ITGAE: variants seen among roughly 807,000 people sequenced by gnomAD.
ITGAE encodes the protein integrin alpha-E.
ITGAE carries 99 observed loss-of-function variants against 136.5 expected under a neutral mutation model. The ratio of observed to expected loss-of-function variants is 0.73; its 90% CI spans 0.62 to 0.86. ITGAE has a LOEUF of 0.86. ITGAE is among the 40% of genes least tolerant of loss of function. The probability of loss-of-function intolerance (pLI) is 0.00; values close to 1 mark genes in which losing one functional copy is unlikely to be tolerated. For missense variants in ITGAE, 1,447 were observed against 1,515.3 expected (o/e 0.95, Z 0.75); for synonymous variants, 613 against 591.8 (o/e 1.04, Z -0.52).
At chr17:3,762,114 C>A in intron 3 of ITGAE, 132 bp from the exon 4 acceptor site, 1 of 697,166 alleles carries the variant, frequency 1.4e-6, no homozygotes, top group Non-Finnish European at 2.5e-6. Context: ...AGAGAAGCCT[C>A]TAGAAAGCTA....
intron 24 of ITGAE, among the ~76,000 whole-genome samples, chr17:3,729,031 G>A (rs1377817924): frequency 3.0e-5 from 4 of 132,752 alleles, no homozygotes; most frequent in African/African-American, 1.3e-4. Context: ...GTGAGACTTC[G>A]TCTCAGTTTA....
intron 1 of ITGAE, among the ~76,000 whole-genome samples, chr17:3,789,540 A>G (rs529877771): frequency 2.1e-4 from 28 of 131,452 alleles, no homozygotes; most frequent in Admixed American, 6.8e-4. Context: ...TCGCTCTGTC[A>G]CCCAGGCTGG....
intron 9 of ITGAE, 34 bp from the exon 10 acceptor site, chr17:3,757,168 T>G: frequency 6.2e-7 from 1 of 1,606,178 alleles, no homozygotes; most frequent in Non-Finnish European, 8.5e-7. Flanking sequence ...GAGTCAGCGC[T>G]GCGTGGATTC....
intron 1 of ITGAE, among the ~76,000 whole-genome samples, chr17:3,791,458 C>A (rs1034842964): frequency 6.6e-6 from 1 of 151,776 alleles, no homozygotes; most frequent in Non-Finnish European, 1.5e-5. Flanking sequence ...AATTTTTGTA[C>A]TTTTAGTAGA....
At chr17:3,755,309 C>A in intron 11 of ITGAE, 48 bp from the exon 12 acceptor site, 1 of 1,488,052 alleles carries the variant, frequency 6.7e-7, no homozygotes, top group South Asian at 1.3e-5. Flanking sequence ...GGACCCAAGG[C>A]CGGGCCACGG....
chr17:3,766,605 C>G (rs2143173459), intron 2 of ITGAE, among the ~76,000 whole-genome samples: 1 of 152,094 alleles, frequency 6.6e-6, no homozygotes, highest in South Asian at 2.1e-4. Flanking sequence ...AGTTCAAGAC[C>G]AGCCTGGCCA....
Position 3,735,070 on chromosome 17 carries a change from C to T in ITGAE, c.2523-121G>A, listed in dbSNP as rs1055605571. 94 of 1,098,620 alleles carry T rather than the reference C, an allele frequency of 8.6e-5. No homozygotes were observed. The Admixed American group carries it at 9.7e-4, about 11-fold the overall frequency. The allele number at this position is 1,098,620 out of a possible 1,614,324, so 68.1% of individuals were successfully genotyped here. On this transcript the variant is annotated intron_variant, in intron 20 of 30. Coordinates refer to ENST00000263087, the MANE Select transcript of ITGAE (RefSeq NM_002208.5). ...CTGTGGTGCAATGATCACGGCTCACCGCAGCCTCCACTTCCTGGGTTCAAG... is the reference window on the plus strand; with the variant it reads ...CTGTGGTGCAATGATCACGGCTCACTGCAGCCTCCACTTCCTGGGTTCAAG...
At chr17:3,776,427 T>A (rs34912790) in intron 2 of ITGAE, among the ~76,000 whole-genome samples, 22,082 of 152,104 alleles carry the variant, frequency 0.15, 2,165 homozygotes, top group African/African-American at 0.27. Context: ...AAGTAGGTAG[T>A]TCCCCACGCT....
At chr17:3,723,574 G>A in intron 27 of ITGAE, 114 bp downstream of exon 27, 2 of 1,186,406 alleles carry the variant, frequency 1.7e-6, no homozygotes, top group Non-Finnish European at 2.4e-6. Flanking sequence ...GGAGGGCCTG[G>A]CAGCCCCCGG....
At chr17:3,756,876 A>T in intron 10 of ITGAE, 108 bp downstream of exon 10, 1 of 1,203,632 alleles carries the variant, frequency 8.3e-7, no homozygotes, top group East Asian at 2.4e-5. Context: ...GCTGAGGTTC[A>T]GGGAGATGAT....
At chr17:3,738,154 G>GTTTGT (rs2051502011) in intron 20 of ITGAE, among the ~76,000 whole-genome samples, 4 of 152,084 alleles carry the variant, frequency 2.6e-5, no homozygotes, top group African/African-American at 9.7e-5. Context: ...AAGGACGCTT[G>GTTTGT]TTTGTTTTGT....
Position 3,748,006 on chromosome 17 carries a change from T to TG in ITGAE, c.2070dup (p.Ser691GlnfsTer18). ...CCGTTGAAGCCGATGGGCAGTGCGC[T>TG]GGGGGTGAAGGCCATGGAGACCTTC... is the stretch of plus-strand genomic sequence containing the variant. On this transcript the variant is annotated frameshift_variant, in exon 17 of 31. Coordinates refer to ENST00000263087, the MANE Select transcript of ITGAE (RefSeq NM_002208.5). LOFTEE classifies it high-confidence loss of function. 6.2e-7 allele frequency: 1 copy of TG among 1,611,882 alleles called. No individual in the cohort carries two copies. Among genetic ancestry groups the TG allele is most frequent in the Non-Finnish European group, 8.5e-7 (1 of 1,178,608 alleles).
At chr17:3,790,286 C>T (rs975724055) in intron 1 of ITGAE, among the ~76,000 whole-genome samples, 3 of 152,164 alleles carry the variant, frequency 2.0e-5, no homozygotes, top group Non-Finnish European at 4.4e-5. Context: ...ATGGGTGGAT[C>T]ACCTGAGGTC....
intron 1 of ITGAE, among the ~76,000 whole-genome samples, chr17:3,784,576 G>C (rs1294798240): frequency 6.6e-6 from 1 of 151,868 alleles, no homozygotes; most frequent in East Asian, 2.0e-4. Flanking sequence ...TGTATTTTTA[G>C]TAGAGACGGG....
chr17:3,736,688 C>T (rs2051465391), intron 20 of ITGAE, among the ~76,000 whole-genome samples: 1 of 152,196 alleles, frequency 6.6e-6, no homozygotes, highest in Non-Finnish European at 1.5e-5. Context: ...GAGTGCAGAA[C>T]CACTCTCAGT....
At chr17:3,722,111 G>A (rs571491474) in intron 28 of ITGAE, among the ~76,000 whole-genome samples, 14 of 152,020 alleles carry the variant, frequency 9.2e-5, no homozygotes, top group Non-Finnish European at 1.8e-4. Flanking sequence ...CCCGGGAGGC[G>A]GAGGTTGCAG....
intron 19 of ITGAE, among the ~76,000 whole-genome samples, chr17:3,741,068 G>GTTTTTTTTTTTTT (rs1447955211): frequency 9.0e-6 from 1 of 110,512 alleles, no homozygotes; most frequent in African/African-American, 3.3e-5. Flanking sequence ...GTTTTTTGTT[G>GTTTTTTTTTTTTT]TATTTTTTTT....
intron 18 of ITGAE, among the ~76,000 whole-genome samples, chr17:3,743,824 G>A (rs767975727): frequency 8.9e-5 from 13 of 146,854 alleles, no homozygotes; most frequent in Non-Finnish European, 1.2e-4. Flanking sequence ...TACCTCAGCC[G>A]CCCGAGTAGC....
chr17:3,756,867 C>T, intron 10 of ITGAE, 117 bp downstream of exon 10: 2 of 1,116,812 alleles, frequency 1.8e-6, no homozygotes, highest in Non-Finnish European at 2.6e-6. Flanking sequence ...CATGGAAGAG[C>T]TGAGGTTCAG....
Sources: allele counts gnomAD v4.1 joint callset (sites outside exome capture counted in the v4.1 genomes callset), GRCh38; gene constraint gnomAD v4.1.1; transcripts MANE v1.5; gene names NCBI Gene and HGNC (gene_info 2026-07-23, HGNC 2026-07-21).